SPATA6: variants seen among roughly 807,000 people sequenced by gnomAD.
SPATA6 encodes spermatogenesis-associated protein 6.
SPATA6 carries 56 observed loss-of-function variants against 65.3 expected under a neutral mutation model. The ratio of observed to expected loss-of-function variants is 0.86; its 90% CI spans 0.69 to 1.07. The LOEUF is 1.07. SPATA6 is among the 50% of genes least tolerant of loss of function. SPATA6 has a pLI of 0.00. For missense variants in SPATA6, 590 were observed against 594.8 expected (o/e 0.99, Z 0.08); for synonymous variants, 199 against 213.2 (o/e 0.93, Z 0.58).
Position 48,364,176 on chromosome 1 carries a change from C to A in SPATA6, c.910-4406G>T, listed in dbSNP as rs537637627. The stretch of plus-strand genomic sequence containing the variant: ...ATAGTATTCCATGGTGTATATGTGC[C>A]ACATTTTCTTAATCCAATCTATTGT... On this transcript the variant is annotated intron_variant, in intron 9 of 12. Transcript: ENST00000371847. 2.0e-5 allele frequency among the ~76,000 whole-genome samples: 3 copies of A among 152,276 alleles called. No homozygotes were observed. In the South Asian group the frequency reaches 6.2e-4, roughly 32 times the overall value.
the SPATA6 span, among the ~76,000 whole-genome samples, chr1:48,279,490 T>A: frequency 2.3e-4 from 35 of 152,222 alleles, 1 homozygote; most frequent in South Asian, 7.2e-3. Context: ...GAGGAAGATC[T>A]ACCAAGTAAA....
At chr1:48,439,669 T>A (rs1655284200) in intron 3 of SPATA6, among the ~76,000 whole-genome samples, 1 of 151,164 alleles carries the variant, frequency 6.6e-6, no homozygotes, top group Non-Finnish European at 1.5e-5. Context: ...CCACCGGCGT[T>A]TTTTTCTTTC....
At chr1:48,368,758 G>T (rs1647123529) in intron 9 of SPATA6, among the ~76,000 whole-genome samples, 1 of 152,046 alleles carries the variant, frequency 6.6e-6, no homozygotes, top group Non-Finnish European at 1.5e-5. Context: ...CTGTAGCTCG[G>T]AGTAGTTTGA....
chr1:48,295,247 A>C (rs1235344553), downstream of SPATA6: 3 of 152,208 alleles, frequency 2.0e-5, no homozygotes. Flanking sequence ...ATGTATACTC[A>C]AGGGAAATAA....
chr1:48,440,753 C>T (rs1471697064), intron 3 of SPATA6, among the ~76,000 whole-genome samples: 3 of 152,142 alleles, frequency 2.0e-5, no homozygotes, highest in Non-Finnish European at 1.5e-5. Flanking sequence ...ATCAACTGAT[C>T]CTAAAAGATA....
At chr1:48,406,916 T>C (rs1437459324) in intron 5 of SPATA6, among the ~76,000 whole-genome samples, 1 of 152,188 alleles carries the variant, frequency 6.6e-6, no homozygotes, top group Non-Finnish European at 1.5e-5. Context: ...TTCAGGAGCA[T>C]AGCCTGGGAC....
downstream of SPATA6, among the ~76,000 whole-genome samples, chr1:48,291,299 A>G (rs914990993): frequency 2.0e-5 from 3 of 152,046 alleles, no homozygotes; most frequent in Admixed American, 1.3e-4. Flanking sequence ...AGCTCCCAGG[A>G]GATTATGTCC....
the SPATA6 span, among the ~76,000 whole-genome samples, chr1:48,265,679 A>G: frequency 6.6e-6 from 1 of 152,174 alleles, no homozygotes; most frequent in Non-Finnish European, 1.5e-5. Context: ...AACCTGGGTA[A>G]GCATTATAAT....
chr1:48,321,236 AAAC>A (rs924607639), intron 11 of SPATA6, among the ~76,000 whole-genome samples: 34 of 152,196 alleles, frequency 2.2e-4, no homozygotes, highest in African/African-American at 2.6e-4. Flanking sequence ...AATAAATTAA[AAAC>A]AACAACAACA....
At chr1:48,439,436 G>A (rs567195668) in intron 3 of SPATA6, among the ~76,000 whole-genome samples, 2 of 151,498 alleles carry the variant, frequency 1.3e-5, no homozygotes, top group African/African-American at 2.4e-5. Flanking sequence ...CAACTATTCC[G>A]ATCAGCAGGG....
At chr1:48,310,800 A>T (rs1279364758) in intron 11 of SPATA6, among the ~76,000 whole-genome samples, 1 of 152,216 alleles carries the variant, frequency 6.6e-6, no homozygotes, top group East Asian at 1.9e-4. Context: ...TCAAGTGCAT[A>T]TGAAAAATTC....
intron 9 of SPATA6, among the ~76,000 whole-genome samples, chr1:48,368,660 A>T (rs1477976060): frequency 6.6e-6 from 1 of 152,122 alleles, no homozygotes; most frequent in African/African-American, 2.4e-5. Context: ...TCCTTTAAGC[A>T]CTTCTCTGCA....
At position 48,356,510 on chromosome 1, in the gene SPATA6, CTTTTT is replaced by C. The variant is rs910154922; in HGVS notation, c.1095-746_1095-742del. On this transcript the variant is annotated intron_variant, in intron 10 of 12. Transcript: ENST00000371847. The stretch of plus-strand genomic sequence containing the variant: ...TTGTTTTCTTCCCAGTTTGTCCTTT[CTTTTT>C]TTTTTTTTTTTTTTTTGACACGGAG... Among the ~76,000 whole-genome samples the C allele has an allele frequency of 1.3e-4, 16 of 122,732 alleles. 1 individual carries two copies. In the South Asian group the frequency reaches 4.0e-3, roughly 31 times the overall value. The allele number at this position is 122,732 out of a possible 152,430, so 80.5% of individuals were successfully genotyped here. A position where few individuals can be genotyped will look rare whatever the true frequency, so the allele number is the denominator to read the frequency against.
At chr1:48,321,532 T>C (rs1410968726) in intron 11 of SPATA6, among the ~76,000 whole-genome samples, 1 of 152,072 alleles carries the variant, frequency 6.6e-6, no homozygotes, top group Non-Finnish European at 1.5e-5. Context: ...AAAGCAAATA[T>C]TATTAGAGCT....
At chr1:48,384,199 G>A (rs1363542084) in intron 9 of SPATA6, among the ~76,000 whole-genome samples, 3 of 147,780 alleles carry the variant, frequency 2.0e-5, no homozygotes, top group East Asian at 2.0e-4. Context: ...AGTCAGGCGT[G>A]GCGGTGCGCG....
chr1:48,293,158 C>A (rs1470565834), downstream of SPATA6, among the ~76,000 whole-genome samples: 1 of 152,176 alleles, frequency 6.6e-6, no homozygotes, highest in Non-Finnish European at 1.5e-5. Flanking sequence ...TCAGCTATGC[C>A]AGTCTTCCCC....
intron 10 of SPATA6, 29 bp from the exon 11 acceptor site, chr1:48,355,798 G>A: frequency 6.4e-7 from 1 of 1,550,822 alleles, no homozygotes; most frequent in Non-Finnish European, 8.9e-7. Context: ...TTTTATTTTT[G>A]TTACTAAAAT....
intron 3 of SPATA6, among the ~76,000 whole-genome samples, chr1:48,419,224 T>C (rs894605675): frequency 5.3e-5 from 8 of 152,142 alleles, no homozygotes; most frequent in Non-Finnish European, 1.0e-4. Flanking sequence ...ATTTTACAGA[T>C]AAAAAACAGA....
intron 11 of SPATA6, among the ~76,000 whole-genome samples, chr1:48,324,748 G>A (rs988163390): frequency 9.9e-5 from 15 of 151,932 alleles, no homozygotes; most frequent in African/African-American, 2.7e-4. Context: ...ATACCGAGTC[G>A]GGAATAAGTG....
Sources: gnomAD v4.1 joint callset for allele counts (sites outside exome capture counted in the v4.1 genomes callset) on GRCh38, gnomAD v4.1.1 for gene constraint, MANE v1.5 for transcripts, NCBI Gene and HGNC (gene_info 2026-07-23, HGNC 2026-07-21) for gene names.